MRPS26: variants seen among roughly 807,000 people sequenced by gnomAD.
The protein encoded by MRPS26 is mitochondrial ribosomal protein S26.
MRPS26 carries 26 observed loss-of-function variants against 22.7 expected under a neutral mutation model. That is an observed-to-expected ratio of 1.15 (90% CI 0.84 to 1.59). The LOEUF is 1.59. MRPS26 is among the 40% of genes most tolerant of loss of function. The pLI, the probability that MRPS26 is intolerant of heterozygous loss-of-function variation, is 0.00. For missense variants in MRPS26, 291 were observed against 287.7 expected (o/e 1.01, Z -0.08); for synonymous variants, 120 against 124.0 (o/e 0.97, Z 0.22).
chr20:3,047,419 TG>T (rs2065994145), intron 3 of MRPS26, among the ~76,000 whole-genome samples: 1 of 151,490 alleles, frequency 6.6e-6, no homozygotes, highest in South Asian at 2.1e-4. Context: ...AATAAAGTAA[TG>T]GGGGGAAGGA....
Position 3,046,536 on chromosome 20 carries a change from G to A in MRPS26, c.359+17G>A, listed in dbSNP as rs2065989373. Reference sequence around the variant, plus strand: ...CGAGCTGCGGTGCGTGGGGCGGGAGGCGGGGCGGGGCGGCGCGGCCTGGCC... The same window carrying A: ...CGAGCTGCGGTGCGTGGGGCGGGAGACGGGGCGGGGCGGCGCGGCCTGGCC... On this transcript the variant is annotated intron_variant, in intron 2 of 3. Coordinates refer to ENST00000380325, the MANE Select transcript of MRPS26 (RefSeq NM_030811.4). 6 of 1,511,074 alleles carry A rather than the reference G, an allele frequency of 4.0e-6. No homozygotes were observed. The East Asian group carries it at 9.9e-5, about 25-fold the overall frequency. The allele number at this position is 1,511,074 out of a possible 1,614,324, so 93.6% of individuals were successfully genotyped here. A position where few individuals can be genotyped will look rare whatever the true frequency, so the allele number is the denominator to read the frequency against.
chr20:3,046,370 C>G lies in MRPS26; in HGVS notation c.213-3C>G. The G allele has an allele frequency of 4.4e-6, 7 of 1,608,986 alleles. No homozygotes were observed. The highest frequency in any genetic ancestry group is 5.9e-6 in the Non-Finnish European group (7 of 1,178,780). ...TGCTGATTCCTGGCGCGTCTGCACCCAGGATGGAGTTCGTGTCCGAGGTGC... is the reference window on the plus strand; with the variant it reads ...TGCTGATTCCTGGCGCGTCTGCACCGAGGATGGAGTTCGTGTCCGAGGTGC... On this transcript the variant is annotated splice_polypyrimidine_tract_variant and splice_region_variant and intron_variant, in intron 1 of 3. Transcript: ENST00000380325.
chr20:3,046,482 T>C lies in MRPS26; in HGVS notation c.322T>C (p.Trp108Arg), dbSNP rs759758406. Reference protein sequence around the residue: ...DAAEHRELMAWNQAENRRLHE... With the variant: ...DAAEHRELMARNQAENRRLHE... ...CGCCGAGCACCGCGAGCTGATGGCC[T>C]GGAACCAGGCGGAGAACCGGCGGCT... The change falls in exon 2 of 4, where the codon TGG (tryptophan) becomes CGG (arginine). Residue 108 changes from tryptophan to arginine, a missense_variant. By Grantham distance (101) the Trp-to-Arg change is moderately radical. Coordinates refer to ENST00000380325, the MANE Select transcript of MRPS26 (RefSeq NM_030811.4). 67 of 1,581,570 alleles carry C rather than the reference T, an allele frequency of 4.2e-5. No individual in the cohort carries two copies. Among genetic ancestry groups the C allele is most frequent in the Middle Eastern group, 3.5e-4 (2 of 5,760 alleles).
rs750099210 is a variant in MRPS26, at chr20:3,046,526, G to A, written c.359+7G>A. 6.5e-7 allele frequency: 1 copy of A among 1,531,330 alleles called. No homozygotes were observed. Among genetic ancestry groups the A allele is most frequent in the East Asian group, 2.4e-5 (1 of 41,402 alleles). 94.9% of individuals were successfully genotyped at this position (1,531,330 alleles called of 1,614,324 possible). ...GGCGGCTGCACGAGCTGCGGTGCGT[G>A]GGGCGGGAGGCGGGGCGGGGCGGCG... On this transcript the variant is annotated splice_region_variant and intron_variant, in intron 2 of 3. Coordinates refer to ENST00000380325, the MANE Select transcript of MRPS26 (RefSeq NM_030811.4).
intron 3 of MRPS26, among the ~76,000 whole-genome samples, chr20:3,047,394 ATAAAT>A (rs1023952136): frequency 9.2e-5 from 14 of 152,046 alleles, no homozygotes; most frequent in African/African-American, 3.4e-4. Flanking sequence ...CTCAAAATAA[ATAAAT>A]AAATAAATAA....
intron 3 of MRPS26, 63 bp from the exon 4 acceptor site, chr20:3,047,672 C>T (rs2065995411): frequency 3.1e-6 from 5 of 1,602,356 alleles, no homozygotes; most frequent in Non-Finnish European, 4.3e-6. Flanking sequence ...GGCCAGCAGG[C>T]TGGGTGGGCT....
Position 3,046,239 on chromosome 20 carries a change from G to A in MRPS26, c.171G>A (p.Met57Ile). Residue 57 changes from methionine to isoleucine, a missense_variant, in exon 1 of 4, where the codon ATG (methionine) becomes ATA (isoleucine). Physicochemically the swap from Met to Ile is conservative, Grantham distance 10. Transcript: ENST00000380325. Reference sequence around the variant, plus strand: ...ACCCTGCGGAGTTCTTCGTGCTGATGGAGCGTTACCAGCACTACCGCCAGA... The same window carrying A: ...ACCCTGCGGAGTTCTTCGTGCTGATAGAGCGTTACCAGCACTACCGCCAGA... ...AVDPAEFFVLMERYQHYRQTV... is the reference protein window; with the variant it reads ...AVDPAEFFVLIERYQHYRQTV... 1 of 1,606,328 alleles carries A rather than the reference G, an allele frequency of 6.2e-7. No homozygotes were observed. The highest frequency in any genetic ancestry group is 8.5e-7 in the Non-Finnish European group (1 of 1,179,634).
Position 3,046,671 on chromosome 20 carries a change from G to A in MRPS26, c.417G>A (p.Gln139=). 1 of 1,545,178 alleles carries A rather than the reference G, an allele frequency of 6.5e-7. No homozygotes were observed. The highest frequency in any genetic ancestry group is 8.7e-7 in the Non-Finnish European group (1 of 1,145,260). Residue 139 remains glutamine, a synonymous_variant, in exon 3 of 4, where the codon CAG becomes CAA. Transcript: ENST00000380325. ...AGGAGCAGCGGCAGGCGTTGGAGCA[G>A]GCCCGCAAGGCCGAAGAGGTGCAGG... ...REQEQRQALE[Q]ARKAEEVQAW... is the part of the protein sequence containing the mutation.
Position 3,047,816 on chromosome 20 carries a change from T to A in MRPS26, c.565T>A (p.Trp189Arg). ...AALDSRKNYN[W>R]AITREGLVVR... ...ATTGGACTCCCGGAAGAACTACAAC[T>A]GGGCCATCACCAGAGAGGGGCTGGT... The change falls in exon 4 of 4, where the codon TGG (tryptophan) becomes AGG (arginine). Residue 189 changes from tryptophan (W) to arginine (R), a missense_variant. Coordinates refer to ENST00000380325, the MANE Select transcript of MRPS26 (RefSeq NM_030811.4). 6.2e-7 allele frequency: 1 copy of A among 1,613,564 alleles called. No individual in the cohort carries two copies.
chr20:3,047,699 A>G (rs2148557707), intron 3 of MRPS26, 36 bp from the exon 4 acceptor site: 1 of 1,611,384 alleles, frequency 6.2e-7, no homozygotes, highest in Non-Finnish European at 8.5e-7. Flanking sequence ...CATGTGCCCA[A>G]GGCTCCTGTT....
rs377261339 is a variant in MRPS26 at position 3,047,917 on chromosome 20, C to T, written c.*48C>T. ...GCCAGGGACCATGTATGTATCATGG[C>T]GGAAGAGTTGGCCCTGACCTGGAAT... On this transcript the variant is annotated 3_prime_UTR_variant, in exon 4 of 4. Coordinates refer to ENST00000380325, the MANE Select transcript of MRPS26 (RefSeq NM_030811.4). 18 of 1,551,570 alleles carry T rather than the reference C, an allele frequency of 1.2e-5. No individual in the cohort carries two copies. The highest frequency in any genetic ancestry group is 2.4e-5 in the South Asian group (2 of 81,996).
intron 3 of MRPS26, among the ~76,000 whole-genome samples, chr20:3,047,456 C>T (rs1206419843): frequency 6.6e-6 from 1 of 152,082 alleles, no homozygotes; most frequent in East Asian, 1.9e-4. Context: ...CAGAGGGGAC[C>T]ACTGAGGGAC....
rs1027992073 is a variant in MRPS26, at chr20:3,046,533, G to A, written c.359+14G>A. The A allele has an allele frequency of 2.6e-6, 4 of 1,523,168 alleles. No individual in the cohort carries two copies. The highest frequency in any genetic ancestry group is 2.8e-5 in the African/African-American group (2 of 71,664). The allele number at this position is 1,523,168 out of a possible 1,614,324, so 94.4% of individuals were successfully genotyped here. ...GCACGAGCTGCGGTGCGTGGGGCGGGAGGCGGGGCGGGGCGGCGCGGCCTG... is the reference window on the plus strand; with the variant it reads ...GCACGAGCTGCGGTGCGTGGGGCGGAAGGCGGGGCGGGGCGGCGCGGCCTG... On this transcript the variant is annotated intron_variant, in intron 2 of 3. Transcript: ENST00000380325.
chr20:3,046,542 CG>C, intron 2 of MRPS26, 23 bp downstream of exon 2: 2 of 1,509,352 alleles, frequency 1.3e-6, no homozygotes, highest in Non-Finnish European at 8.8e-7. Flanking sequence ...GGAGGCGGGG[CG>C]GGGCGGCGCG....
At chr20:3,046,796 G>C in intron 3 of MRPS26, 59 bp downstream of exon 3, 1 of 1,519,938 alleles carries the variant, frequency 6.6e-7, no homozygotes, top group Non-Finnish European at 8.8e-7. Flanking sequence ...CGGGGCACTG[G>C]GAATTCTGGG....
At position 3,047,832 on chromosome 20, in the gene MRPS26, A is replaced by G. The variant is rs1464262791; in HGVS notation, c.581A>G (p.Glu194Gly). 6.2e-7 allele frequency: 1 copy of G among 1,613,284 alleles called. No homozygotes were observed. Among genetic ancestry groups the G allele is most frequent in the East Asian group, 2.2e-5 (1 of 44,852 alleles). The change falls in exon 4 of 4, where the codon GAG becomes GGG. Residue 194 changes from glutamate to glycine, a missense_variant. Coordinates refer to ENST00000380325, the MANE Select transcript of MRPS26 (RefSeq NM_030811.4). ...AACTACAACTGGGCCATCACCAGAG[A>G]GGGGCTGGTGGTCAGGCCACAACGC... Reference protein sequence around the residue: ...RKNYNWAITREGLVVRPQRRD... With the variant: ...RKNYNWAITRGGLVVRPQRRD...
At chr20:3,047,708 T>C (rs1296741395) in intron 3 of MRPS26, 27 bp from the exon 4 acceptor site, 1 of 1,612,796 alleles carries the variant, frequency 6.2e-7, no homozygotes, top group Non-Finnish European at 8.5e-7. Context: ...AAGGCTCCTG[T>C]TCAGCTGGGC....
chr20:3,046,301 G>T (rs779352440), intron 1 of MRPS26, 21 bp downstream of exon 1: 115 of 1,604,488 alleles, frequency 7.2e-5, no homozygotes, highest in Non-Finnish European at 9.5e-5. Flanking sequence ...GGGGGGAGGT[G>T]GCCGCCCGCG....
chr20:3,046,371 AG>A lies in MRPS26; in HGVS notation c.213del. ...GCTGATTCCTGGCGCGTCTGCACCCAGGATGGAGTTCGTGTCCGAGGTGCAG... is the reference window on the plus strand; with the variant it reads ...GCTGATTCCTGGCGCGTCTGCACCCAGATGGAGTTCGTGTCCGAGGTGCAG... On this transcript the variant is annotated splice_acceptor_variant, in intron 1 of 3. Coordinates refer to ENST00000380325, the MANE Select transcript of MRPS26 (RefSeq NM_030811.4). LOFTEE classifies it high-confidence loss of function. The A allele has an allele frequency of 6.2e-7, 1 of 1,609,070 alleles. No individual in the cohort carries two copies.
Sources: gnomAD v4.1 joint callset for allele counts (sites outside exome capture counted in the v4.1 genomes callset) on GRCh38, gnomAD v4.1.1 for gene constraint, MANE v1.5 for transcripts, NCBI Gene and HGNC (gene_info 2026-07-23, HGNC 2026-07-21) for gene names.